Variants in OSMR observed in about 807,000 individuals in gnomAD.
OSMR encodes the protein oncostatin-M-specific receptor subunit beta.
A neutral mutation model predicts 99.9 loss-of-function variants in OSMR; 81 were observed. The ratio of observed to expected loss-of-function variants is 0.81; its 90% confidence interval spans 0.68 to 0.97. The LOEUF (loss-of-function observed/expected upper bound fraction) is 0.97. OSMR is among the 50% of genes least tolerant of loss of function. The pLI, the probability that OSMR is intolerant of heterozygous loss-of-function variation, is 0.00. For missense variants in OSMR, 1,099 were observed against 1,153.4 expected (o/e 0.95, Z 0.68); for synonymous variants, 406 against 410.4 (o/e 0.99, Z 0.13).
chr5:38,921,713 T>C lies in OSMR; in HGVS notation c.1684T>C (p.Cys562Arg). 1 of 1,614,138 alleles carries C rather than the reference T, an allele frequency of 6.2e-7. No individual in the cohort carries two copies. Residue 562 changes from cysteine (C) to arginine (R), a missense_variant, in exon 12 of 18, where the codon TGT (cysteine) becomes CGT (arginine). By Grantham distance (180) the Cys-to-Arg change is radical. Transcript: ENST00000274276. ...TGTTATAGGCTATGTTGTGGACTGG[T>C]GTGACCATACCCAGGATGTGCTCGG... Reference protein sequence around the residue: ...GDVIGYVVDWCDHTQDVLGDF... With the variant: ...GDVIGYVVDWRDHTQDVLGDF...
At chr5:38,944,511 A>T in intron 2 of OSMR, 1 of 1,612,542 alleles carries the variant, frequency 6.2e-7, no homozygotes, top group Non-Finnish European at 8.5e-7. Flanking sequence ...CTAATCTTAG[A>T]ACTTCTTTGC....
At chr5:38,875,765 T>G (rs357272) in intron 2 of OSMR, among the ~76,000 whole-genome samples, 144,182 of 152,290 alleles carry the variant, frequency 0.95, 68,286 homozygotes, top group South Asian at 0.96. Flanking sequence ...CTACAGATAA[T>G]ACATGCTCCC....
chr5:38,944,686 T>C, intron 2 of OSMR: 1 of 984,432 alleles, frequency 1.0e-6, no homozygotes, highest in Non-Finnish European at 1.5e-6. Context: ...ACACATGATC[T>C]ACCAATCATT....
Position 38,911,647 on chromosome 5 carries a change from G to T in OSMR, c.1286-5899G>T, listed in dbSNP as rs190961305. On this transcript the variant is annotated intron_variant, in intron 9 of 17. Coordinates refer to ENST00000274276, the MANE Select transcript of OSMR (RefSeq NM_003999.3). ...CAGGTCAATATCCTTGATGAACATA[G>T]ATGCAAAAATCCTCAACAAAATACT... Among the ~76,000 whole-genome samples, 59 of 152,246 alleles carry T rather than the reference G, an allele frequency of 3.9e-4. No homozygotes were observed. In the East Asian group the frequency reaches 9.5e-3, roughly 24 times the overall value.
intron 15 of OSMR, 128 bp from the exon 16 acceptor site, chr5:38,931,755 A>G: frequency 6.8e-7 from 1 of 1,475,970 alleles, no homozygotes; most frequent in South Asian, 1.2e-5. Context: ...AATTCATATT[A>G]CAACTTGCAT....
chr5:38,911,360 A>G (rs568233067), intron 9 of OSMR, among the ~76,000 whole-genome samples: 129 of 152,286 alleles, frequency 8.5e-4, no homozygotes, highest in Middle Eastern at 6.8e-3. Flanking sequence ...TCAAGATTGA[A>G]CCAGGAAGAA....
intron 5 of OSMR, 195 bp from the exon 6 acceptor site, chr5:38,885,154 G>A (rs1743608814): frequency 1.0e-6 from 1 of 983,830 alleles, no homozygotes; most frequent in African/African-American, 1.7e-5. Context: ...CACAAGGGCA[G>A]GAAGGAGAAG....
At chr5:38,862,812 C>A (rs375665881) in intron 1 of OSMR, among the ~76,000 whole-genome samples, 1 of 151,736 alleles carries the variant, frequency 6.6e-6, no homozygotes, top group African/African-American at 2.4e-5. Flanking sequence ...CCAAGGCAGG[C>A]GGCTGGGAGG....
intron 7 of OSMR, among the ~76,000 whole-genome samples, chr5:38,890,909 A>G (rs969167740): frequency 6.6e-6 from 1 of 152,148 alleles, no homozygotes; most frequent in Non-Finnish European, 1.5e-5. Flanking sequence ...CCATGTAGCC[A>G]GGCAGAATAC....
intron 15 of OSMR, 147 bp downstream of exon 15, chr5:38,925,518 C>A (rs1186331513): frequency 1.9e-5 from 14 of 742,288 alleles, no homozygotes; most frequent in Non-Finnish European, 3.4e-5. Context: ...TTGATGAAAC[C>A]CTTTTTGTCA....
chr5:38,943,568 C>T (rs1417581026), intron 1 of OSMR, among the ~76,000 whole-genome samples: 1 of 152,144 alleles, frequency 6.6e-6, no homozygotes, highest in Non-Finnish European at 1.5e-5. Flanking sequence ...AATCCCAGCA[C>T]TTTGGGAGGC....
chr5:38,923,464 T>A (rs1055676596), intron 13 of OSMR, among the ~76,000 whole-genome samples: 2 of 152,206 alleles, frequency 1.3e-5, no homozygotes, highest in Admixed American at 1.3e-4. Flanking sequence ...CTTTCTTCCT[T>A]TTTTCAGTCT....
intron 8 of OSMR, 56 bp from the exon 9 acceptor site, chr5:38,904,297 T>C: frequency 4.5e-6 from 7 of 1,568,952 alleles, no homozygotes; most frequent in Non-Finnish European, 6.1e-6. Context: ...CACTCACCAA[T>C]GTTTCTGTCT....
chr5:38,863,706 TC>T (rs1276345931), intron 1 of OSMR, among the ~76,000 whole-genome samples: 1 of 152,192 alleles, frequency 6.6e-6, no homozygotes, highest in Non-Finnish European at 1.5e-5. Flanking sequence ...AATCAGTGTT[TC>T]TTTGTTAATT....
intron 7 of OSMR, among the ~76,000 whole-genome samples, chr5:38,894,622 G>A (rs1744379681): frequency 6.6e-6 from 1 of 151,846 alleles, no homozygotes; most frequent in Non-Finnish European, 1.5e-5. Flanking sequence ...AATGATAAAG[G>A]GCTCAATTCA....
At chr5:38,877,995 GTGTTGTCCTC>G (rs1742974676) in intron 3 of OSMR, among the ~76,000 whole-genome samples, 1 of 152,022 alleles carries the variant, frequency 6.6e-6, no homozygotes, top group East Asian at 1.9e-4. Flanking sequence ...CTTGTCTATC[GTGTTGTCCTC>G]ACAACACCCA....
chr5:38,899,961 G>A (rs945251907), intron 7 of OSMR, among the ~76,000 whole-genome samples: 1 of 152,092 alleles, frequency 6.6e-6, no homozygotes, highest in Non-Finnish European at 1.5e-5. Flanking sequence ...CTTGCTCTAA[G>A]CCCGGCTCAG....
intron 15 of OSMR, among the ~76,000 whole-genome samples, chr5:38,929,302 C>G (rs952288812): frequency 2.0e-5 from 3 of 152,084 alleles, no homozygotes; most frequent in Non-Finnish European, 4.4e-5. Flanking sequence ...ATAATCCTTT[C>G]TCTTTGTAAA....
rs763736853 is a variant in OSMR, at chr5:38,903,979, A to C, written c.1089A>C (p.Thr363=). ...WKVHSIRNNF[T]YLCQIELHGE... Reference sequence around the variant, plus strand: ...TGCACTCCATAAGGAATAATTTCACATATTTGTGTCAGATTGAACTCCATG... The same window carrying C: ...TGCACTCCATAAGGAATAATTTCACCTATTTGTGTCAGATTGAACTCCATG... Residue 363 remains threonine, a synonymous_variant, in exon 8 of 18, where the codon ACA becomes ACC. Coordinates refer to ENST00000274276, the MANE Select transcript of OSMR (RefSeq NM_003999.3). 3.7e-6 allele frequency: 6 copies of C among 1,614,082 alleles called. No homozygotes were observed. Among genetic ancestry groups the C allele is most frequent in the Non-Finnish European group, 5.1e-6 (6 of 1,179,984 alleles).
Sources: gnomAD v4.1 joint callset for allele counts (sites outside exome capture counted in the v4.1 genomes callset) on GRCh38, gnomAD v4.1.1 for gene constraint, MANE v1.5 for transcripts, NCBI Gene and HGNC (gene_info 2026-07-23, HGNC 2026-07-21) for gene names.